PIDD1: variants seen among roughly 807,000 people sequenced by gnomAD.
The protein encoded by PIDD1 is p53-induced death domain protein 1, also known as p53-induced death domain-containing protein 1.
Under a neutral mutation model 80.0 loss-of-function variants are expected in PIDD1, and 72 were observed. The ratio of observed to expected loss-of-function variants is 0.90; its 90% CI spans 0.74 to 1.09. The LOEUF is 1.09. Among genes scored for constraint, PIDD1 ranks in the 50% least tolerant of loss-of-function variants. The pLI is 0.00. For synonymous variants in PIDD1, 655 were observed against 543.5 expected (o/e 1.21, Z -2.85); for missense variants, 1,329 against 1,228.3 (o/e 1.08, Z -1.23).
chr11:804,594 C>T, intron 1 of PIDD1, 131 bp from the exon 2 acceptor site: 1 of 915,432 alleles, frequency 1.1e-6, no homozygotes, highest in Non-Finnish European at 1.6e-6. Flanking sequence ...TGGGGGAGAC[C>T]TTGTGGTCAC....
chr11:800,296 T>TG (rs778477483), intron 13 of PIDD1, 37 bp downstream of exon 13: 204 of 1,612,410 alleles, frequency 1.3e-4, no homozygotes, highest in Admixed American at 1.2e-4. Context: ...CCAAGCGGCC[T>TG]GGGGGGCCTC....
Position 804,301 on chromosome 11 carries a change from G to C in PIDD1, c.88C>G (p.Leu30Val). 4 of 1,612,926 alleles carry C rather than the reference G, an allele frequency of 2.5e-6. No individual in the cohort carries two copies. The highest frequency in any genetic ancestry group is 3.4e-6 in the Non-Finnish European group (4 of 1,179,972). The part of the protein sequence containing the change: ...SEDSDAGSRA[L>V]PFLGGNRLSL... ...AGCCGGTTGCCGCCCAGGAAAGGCA[G>C]CGCCCTGGACCCTGCGTCCGAATCC... The change falls in exon 2 of 16, where the codon CTG becomes GTG. Residue 30 changes from leucine to valine, a missense_variant. Leu to Val is a conservative substitution (Grantham distance 32, BLOSUM62 1). Transcript: ENST00000347755.
In PIDD1 at chr11:799,433, C is replaced by A. The variant is rs751625782; in HGVS notation, c.2607G>T (p.Val869=). ...GGCGGCCGAGCTCCAAGACTGCGCG[C>A]ACCTCTTCAGCCACGTCCTGCCGGT... is the stretch of plus-strand genomic sequence containing the variant. ...QSDRQDVAEE[V]RAVLELGRRK... The change falls in exon 16 of 16, where the codon GTG becomes GTT. Residue 869 remains valine, a synonymous_variant. Coordinates refer to ENST00000347755, the MANE Select transcript of PIDD1 (RefSeq NM_145886.4). The A allele has an allele frequency of 9.3e-6, 15 of 1,611,092 alleles. No homozygotes were observed. Among genetic ancestry groups the A allele is most frequent in the Non-Finnish European group, 1.1e-5 (13 of 1,179,900 alleles).
At position 802,350 on chromosome 11, in the gene PIDD1, C is replaced by T. The variant is rs767698009; in HGVS notation, c.1021G>A (p.Val341Ile). 2.5e-5 allele frequency: 41 copies of T among 1,611,710 alleles called. No homozygotes were observed. The African/African-American group carries it at 3.5e-4, about 14-fold the overall frequency. Reference sequence around the variant, plus strand: ...GCTCCCGCTGGGAACTGCAGGCGGACGCCACAGGCCAGGGTCACTGAGCAG... The same window carrying T: ...GCTCCCGCTGGGAACTGCAGGCGGATGCCACAGGCCAGGGTCACTGAGCAG... ...QGCSVTLACG[V>I]RLQFPAGATA... Residue 341 changes from valine (V) to isoleucine (I), a missense_variant, in exon 6 of 16, where the codon GTC becomes ATC. Val to Ile is a conservative substitution (Grantham distance 29). Transcript: ENST00000347755.
rs768370215 is a variant in PIDD1 at position 803,166 on chromosome 11, C to T, written c.709+8G>A. 9 of 1,584,944 alleles carry T rather than the reference C, an allele frequency of 5.7e-6. No individual in the cohort carries two copies. In the African/African-American group the frequency reaches 8.1e-5, roughly 14 times the overall value. On this transcript the variant is annotated splice_region_variant and intron_variant, in intron 3 of 15. Coordinates refer to ENST00000347755, the MANE Select transcript of PIDD1 (RefSeq NM_145886.4). ...GGGCCAGTGTGTCGGGGCGCAGGGG[C>T]TACTCACCCAGAGAGGCTGGGAGGC...
upstream of PIDD1, among the ~76,000 whole-genome samples, chr11:806,699 C>T (rs1324591662): frequency 1.3e-5 from 2 of 152,106 alleles, no homozygotes; most frequent in African/African-American, 2.4e-5. Context: ...TCTCCTGCCT[C>T]AGCCTCCTGA....
upstream of PIDD1, chr11:805,485 C>G (rs538610494): frequency 5.8e-4 from 261 of 451,342 alleles, no homozygotes; most frequent in Admixed American, 1.5e-3. Flanking sequence ...CAGCCTCCCC[C>G]GCCCGGAAGG....
chr11:805,305 G>A (rs1014467722), upstream of PIDD1: 8 of 754,178 alleles, frequency 1.1e-5, no homozygotes, highest in African/African-American at 1.3e-4. Flanking sequence ...CCCTCGGGAC[G>A]CGCCCCCTCC....
rs763890353 is a variant in PIDD1, at chr11:802,614, CAT to C, written c.920-19_920-18del. On this transcript the variant is annotated intron_variant, in intron 4 of 15. Transcript: ENST00000347755. ...GGGCTGCCACTGTGCAGGGGACAGA[CAT>C]GTGCTCAGGACAGTGAGGAGACTCA... 2.4e-5 allele frequency: 39 copies of C among 1,612,014 alleles called. No individual in the cohort carries two copies. The East Asian group carries it at 3.8e-4, about 16-fold the overall frequency.
rs754208149 is a variant in PIDD1 at position 800,227 on chromosome 11, G to A, written c.2178C>T (p.Gly726=). 4.9e-5 allele frequency: 79 copies of A among 1,610,026 alleles called. No individual in the cohort carries two copies. The East Asian group carries it at 8.7e-4, about 18-fold the overall frequency. ...AVRGQVSFYR[G]AVPVRVPEEA... ...CCTCGGGCACCCGCACAGGCACCGC[G>A]CCACGGTAGAAGGACACCTGAAGGG... The change falls in exon 14 of 16, where the codon GGC becomes GGT. Residue 726 remains glycine, a synonymous_variant. Coordinates refer to ENST00000347755, the MANE Select transcript of PIDD1 (RefSeq NM_145886.4).
upstream of PIDD1, among the ~76,000 whole-genome samples, chr11:805,461 G>C (rs1315344126): frequency 6.6e-6 from 1 of 152,224 alleles, no homozygotes; most frequent in Non-Finnish European, 1.5e-5. Context: ...TTAGTCCGCG[G>C]GGTCGGAGCC....
rs762562881 is a variant in PIDD1, at chr11:799,258, C to T, written c.*49G>A. On this transcript the variant is annotated 3_prime_UTR_variant, in exon 16 of 16. Transcript: ENST00000347755. ...CTGGAGAGACTTGAAGGTGGGGGCT[C>T]TGCCCATCCACTGGGGAATATCTGG... 1 of 1,513,230 alleles carries T rather than the reference C, an allele frequency of 6.6e-7. No individual in the cohort carries two copies. The highest frequency in any genetic ancestry group is 1.3e-5 in the South Asian group (1 of 79,194). 93.7% of individuals were successfully genotyped at this position (1,513,230 alleles called of 1,614,324 possible).
chr11:802,837 A>C lies in PIDD1; in HGVS notation c.764T>G (p.Val255Gly). 1 of 1,595,126 alleles carries C rather than the reference A, an allele frequency of 6.3e-7. No homozygotes were observed. The highest frequency in any genetic ancestry group is 8.5e-7 in the Non-Finnish European group (1 of 1,171,692). The change falls in exon 4 of 16, where the codon GTG (valine) becomes GGG (glycine). Residue 255 changes from valine to glycine, a missense_variant. Coordinates refer to ENST00000347755, the MANE Select transcript of PIDD1 (RefSeq NM_145886.4). ...LVLHSNLLAS[V>G]PADLARLPLL... Reference sequence around the variant, plus strand: ...TGGAAGGCGGGCCAAGTCAGCTGGCACAGAGGCCAGGAGGTTGCTGTGCAG... The same window carrying C: ...TGGAAGGCGGGCCAAGTCAGCTGGCCCAGAGGCCAGGAGGTTGCTGTGCAG...
At position 800,454 on chromosome 11, in the gene PIDD1, A is replaced by G; in HGVS notation, c.2042-3T>C. 6.2e-7 allele frequency: 1 copy of G among 1,612,196 alleles called. No individual in the cohort carries two copies. ...GCCCTCCACACAGTCAGGGCGGTCT[A>G]GGGGACAGGGGTGGGCTGAGCAAGG... On this transcript the variant is annotated splice_polypyrimidine_tract_variant and splice_region_variant and intron_variant, in intron 12 of 15. Coordinates refer to ENST00000347755, the MANE Select transcript of PIDD1 (RefSeq NM_145886.4).
At position 802,207 on chromosome 11, in the gene PIDD1, C is replaced by A; in HGVS notation, c.1164G>T (p.Val388=). ...SHVLELQPHG[V]AFQQDVGLWL... ...GCCCTGTCCATGCCTGCTGGAAGGC[C>A]ACCCCATGGGGCTGCAGCTCCAGCA... The change falls in exon 6 of 16, where the codon GTG becomes GTT. Residue 388 remains valine (V), a synonymous_variant. Coordinates refer to ENST00000347755, the MANE Select transcript of PIDD1 (RefSeq NM_145886.4). 2 of 1,606,526 alleles carry A rather than the reference C, an allele frequency of 1.2e-6. No individual in the cohort carries two copies. The highest frequency in any genetic ancestry group is 1.7e-6 in the Non-Finnish European group (2 of 1,177,230).
chr11:804,631 A>G (rs1367217577), intron 1 of PIDD1, 168 bp from the exon 2 acceptor site: 51 of 589,700 alleles, frequency 8.6e-5, no homozygotes, highest in Middle Eastern at 4.6e-4. Flanking sequence ...CTGGGTCACC[A>G]CTGGAAAGAG....
At chr11:801,417 G>C (rs764619642) in intron 8 of PIDD1, 28 bp downstream of exon 8, 1 of 1,569,530 alleles carries the variant, frequency 6.4e-7, no homozygotes, top group Non-Finnish European at 8.6e-7. Flanking sequence ...GGCGCGGCCT[G>C]CCACCCTCAG....
upstream of PIDD1, among the ~76,000 whole-genome samples, chr11:808,467 G>A (rs928811469): frequency 1.3e-5 from 2 of 152,156 alleles, no homozygotes; most frequent in Admixed American, 6.6e-5. Context: ...GGTAGCTCAC[G>A]CCTGTAATCC....
chr11:805,332 C>T, upstream of PIDD1: 3 of 595,664 alleles, frequency 5.0e-6, no homozygotes, highest in Non-Finnish European at 6.4e-6. Context: ...CTGGGGTCCA[C>T]GGGGGAGGTC....
Sources: gnomAD v4.1 joint callset for allele counts (sites outside exome capture counted in the v4.1 genomes callset) on GRCh38, gnomAD v4.1.1 for gene constraint, MANE v1.5 for transcripts, NCBI Gene and HGNC (gene_info 2026-07-23, HGNC 2026-07-21) for gene names.